The following ENTPD7 variants were observed in gnomAD, a reference collection of about 807,000 sequenced individuals.
ENTPD7 encodes the protein ectonucleoside triphosphate diphosphohydrolase 7.
In ENTPD7, 53 loss-of-function variants were observed where a neutral mutation model predicts 77.9. The observed-to-expected ratio is 0.68, with a 90% CI of 0.55 to 0.85. ENTPD7 has a LOEUF of 0.85. Ranked by LOEUF, ENTPD7 falls within the 40% of genes least tolerant of loss-of-function variation. The pLI, the probability that ENTPD7 is intolerant of heterozygous loss-of-function variation, is 0.00. For synonymous variants in ENTPD7, 248 were observed against 274.9 expected (o/e 0.90, Z 0.97); for missense variants, 636 against 743.7 (o/e 0.86, Z 1.68).
At position 99,708,737 on chromosome 10, in the gene ENTPD7, G is replaced by A; in HGVS notation, c.*4054G>A. 6.9e-6 allele frequency: 5 copies of A among 726,048 alleles called. No individual in the cohort carries two copies. Among genetic ancestry groups the A allele is most frequent in the Non-Finnish European group, 8.4e-6 (5 of 593,170 alleles). The allele number at this position is 726,048 out of a possible 1,614,324, so 45.0% of individuals were successfully genotyped here. On this transcript the variant is annotated 3_prime_UTR_variant, in exon 13 of 13. Transcript: ENST00000370489. ...ATTTCAGAAGAGTTTTAAAGCTTCT[G>A]GTCAACCCCCTTGATTTATATGGGT...
chr10:99,690,101 A>C (rs2035861305), intron 7 of ENTPD7, among the ~76,000 whole-genome samples: 1 of 152,208 alleles, frequency 6.6e-6, no homozygotes, highest in South Asian at 2.1e-4. Context: ...GAGCATCTTT[A>C]GGTTGGCTGC....
Position 99,706,736 on chromosome 10 carries a change from T to C in ENTPD7, c.*2053T>C, listed in dbSNP as rs2036261681. On this transcript the variant is annotated 3_prime_UTR_variant, in exon 13 of 13. Transcript: ENST00000370489. ...ACATTGCTTTTTCTTTTATTATCTG[T>C]GCTCCGTGAACCTTATGAATGCTGC... 1.3e-5 allele frequency among the ~76,000 whole-genome samples: 2 copies of C among 152,242 alleles called. No homozygotes were observed. Among genetic ancestry groups the C allele is most frequent in the South Asian group, 4.1e-4 (2 of 4,838 alleles).
intron 8 of ENTPD7, among the ~76,000 whole-genome samples, chr10:99,693,039 T>C (rs1341360017): frequency 6.6e-6 from 1 of 151,996 alleles, no homozygotes; most frequent in Non-Finnish European, 1.5e-5. Flanking sequence ...CAGGGGATAG[T>C]TTGGAGTGAA....
chr10:99,660,442 A>T, intron 2 of ENTPD7: 1 of 979,718 alleles, frequency 1.0e-6, no homozygotes, highest in Non-Finnish European at 1.4e-6. Flanking sequence ...CCAATAAGGG[A>T]AAGTTATAAA....
intron 3 of ENTPD7, among the ~76,000 whole-genome samples, chr10:99,677,490 G>T (rs2035699303): frequency 6.7e-6 from 1 of 150,046 alleles, no homozygotes; most frequent in South Asian, 2.1e-4. Context: ...TCAGCCTCCT[G>T]AGTAGCTGGG....
chr10:99,692,737 C>T (rs2150916), intron 8 of ENTPD7, among the ~76,000 whole-genome samples: 41,433 of 151,938 alleles, frequency 0.27, 5,763 homozygotes, highest in Non-Finnish European at 0.3. Flanking sequence ...TGAGTGCTAT[C>T]ATAAGGGGAC....
chr10:99,696,196 C>A (rs2035973361), intron 9 of ENTPD7, 74 bp downstream of exon 9: 2 of 1,520,726 alleles, frequency 1.3e-6, no homozygotes, highest in Admixed American at 3.8e-5. Flanking sequence ...ATACTCACAT[C>A]CTCCTAAGAC....
At chr10:99,681,672 A>G (rs998071817) in intron 5 of ENTPD7, among the ~76,000 whole-genome samples, 6 of 152,156 alleles carry the variant, frequency 3.9e-5, no homozygotes, top group Admixed American at 6.5e-5. Flanking sequence ...AGAGTTTCCA[A>G]TTTCTCCACA....
At chr10:99,695,414 C>T (rs1042445483) in intron 8 of ENTPD7, among the ~76,000 whole-genome samples, 1 of 151,854 alleles carries the variant, frequency 6.6e-6, no homozygotes, top group Non-Finnish European at 1.5e-5. Flanking sequence ...CCCAACTACT[C>T]AGGAGGCTGA....
intron 8 of ENTPD7, among the ~76,000 whole-genome samples, chr10:99,695,365 T>C (rs1462701276): frequency 6.6e-6 from 1 of 151,878 alleles, no homozygotes; most frequent in African/African-American, 2.4e-5. Flanking sequence ...CCACTAAAAA[T>C]ACAAAAATTA....
intron 12 of ENTPD7, among the ~76,000 whole-genome samples, chr10:99,703,152 C>G (rs772532372): frequency 6.6e-6 from 1 of 152,174 alleles, no homozygotes; most frequent in Non-Finnish European, 1.5e-5. Context: ...GAATAAAGGA[C>G]GTGAGATGTT....
intron 3 of ENTPD7, among the ~76,000 whole-genome samples, chr10:99,669,985 A>G (rs1055641233): frequency 6.6e-6 from 1 of 151,786 alleles, no homozygotes; most frequent in African/African-American, 2.4e-5. Flanking sequence ...TCCTGACCTC[A>G]TGATCCACCC....
intron 3 of ENTPD7, among the ~76,000 whole-genome samples, chr10:99,670,315 CAT>C (rs920651726): frequency 6.2e-4 from 94 of 152,182 alleles, no homozygotes; most frequent in African/African-American, 2.2e-3. Context: ...TCAGTGGCCA[CAT>C]GTGGATATAT....
At chr10:99,675,329 G>GTT (rs370849784) in intron 3 of ENTPD7, among the ~76,000 whole-genome samples, 23 of 145,282 alleles carry the variant, frequency 1.6e-4, no homozygotes, top group African/African-American at 5.3e-4. Flanking sequence ...ATGAATGTGT[G>GTT]TTTTTTTTTT....
intron 3 of ENTPD7, among the ~76,000 whole-genome samples, chr10:99,665,422 G>T (rs758206541): frequency 5.9e-5 from 9 of 152,008 alleles, no homozygotes; most frequent in Non-Finnish European, 1.0e-4. Context: ...ATCTTTTTTG[G>T]TCAGAATTGG....
intron 2 of ENTPD7, chr10:99,660,526 G>GCA (rs68112730): frequency 0.012 from 3,389 of 283,104 alleles, 20 homozygotes; most frequent in South Asian, 0.022. Context: ...GAATGGATAC[G>GCA]CACACACACA....
At chr10:99,662,353 C>T (rs898340726) in intron 3 of ENTPD7, among the ~76,000 whole-genome samples, 1 of 151,824 alleles carries the variant, frequency 6.6e-6, no homozygotes, top group Admixed American at 6.6e-5. Context: ...TTAGTGGTTA[C>T]TTTAAAGTTT....
intron 12 of ENTPD7, 29 bp from the exon 13 acceptor site, chr10:99,704,423 C>T (rs2036206417): frequency 6.2e-7 from 1 of 1,610,014 alleles, no homozygotes; most frequent in South Asian, 1.1e-5. Flanking sequence ...ACAGTTTTTT[C>T]CACCTACAAA....
At chr10:99,662,282 C>G (rs918573990) in intron 3 of ENTPD7, among the ~76,000 whole-genome samples, 1 of 152,080 alleles carries the variant, frequency 6.6e-6, no homozygotes, top group Non-Finnish European at 1.5e-5. Context: ...CAGTTGAGCA[C>G]AGTTTTTATG....
Sources: gnomAD v4.1 joint callset for allele counts (sites outside exome capture counted in the v4.1 genomes callset) on GRCh38, gnomAD v4.1.1 for gene constraint, MANE v1.5 for transcripts, NCBI Gene and HGNC (gene_info 2026-07-23, HGNC 2026-07-21) for gene names.